The following MAGI1 variants were observed in gnomAD, a reference collection of about 807,000 sequenced individuals.
MAGI1 encodes the protein membrane-associated guanylate kinase, WW and PDZ domain-containing protein 1.
A neutral mutation model predicts 139.9 loss-of-function variants in MAGI1; 58 were observed. That is an observed-to-expected ratio of 0.41 (90% CI 0.34 to 0.52). The LOEUF (loss-of-function observed/expected upper bound fraction) is 0.52, where lower values mean the gene tolerates loss of function less well. Among genes scored for constraint, MAGI1 ranks in the 20% least tolerant of loss-of-function variants. MAGI1 has a pLI of 0.12. For missense variants in MAGI1, 1,874 were observed against 1,901.6 expected, an observed-to-expected ratio of 0.99 and a Z score of 0.27; for synonymous variants, 812 against 737.9, an observed-to-expected ratio of 1.10 and a Z score of -1.63.
At chr3:65,531,220 C>T (rs1178682174) in intron 2 of MAGI1, among the ~76,000 whole-genome samples, 1 of 151,930 alleles carries the variant, frequency 6.6e-6, no homozygotes, top group Non-Finnish European at 1.5e-5. Context: ...AGCTTTATAT[C>T]AATATACTAA....
chr3:65,640,541 C>T (rs1245380182), intron 1 of MAGI1, among the ~76,000 whole-genome samples: 2 of 152,118 alleles, frequency 1.3e-5, no homozygotes, highest in African/African-American at 2.4e-5. Context: ...AAGCTCCCTC[C>T]CAGCTAATCA....
intron 18 of MAGI1, among the ~76,000 whole-genome samples, chr3:65,373,367 A>AC (rs1369865248): frequency 6.6e-6 from 1 of 152,074 alleles, no homozygotes; most frequent in Non-Finnish European, 1.5e-5. Flanking sequence ...GGTTTGTGGC[A>AC]CCCCCAAACA....
intron 2 of MAGI1, among the ~76,000 whole-genome samples, chr3:65,582,117 A>T (rs1253915905): frequency 6.6e-6 from 1 of 152,168 alleles, no homozygotes; most frequent in Non-Finnish European, 1.5e-5. Flanking sequence ...ATTCCAAGTG[A>T]GTGTTTTAGA....
At chr3:65,833,939 T>C (rs1248989027) in intron 1 of MAGI1, among the ~76,000 whole-genome samples, 3 of 152,230 alleles carry the variant, frequency 2.0e-5, no homozygotes, top group Admixed American at 1.3e-4. Context: ...AAAATATCTT[T>C]AGATTACTAG....
chr3:66,031,805 C>A (rs2068612293), intron 1 of MAGI1, among the ~76,000 whole-genome samples: 1 of 150,606 alleles, frequency 6.6e-6, no homozygotes. Flanking sequence ...TACACAGGGA[C>A]AATGCTGCAA....
At chr3:65,846,976 C>CCAAAAAAAA (rs767647561) in intron 1 of MAGI1, among the ~76,000 whole-genome samples, 3 of 80,988 alleles carry the variant, frequency 3.7e-5, no homozygotes, top group African/African-American at 1.5e-4. Context: ...CAATGTCTTA[C>CCAAAAAAAA]AAAAAAAAAA....
chr3:65,501,583 A>G (rs2077085068), intron 2 of MAGI1, among the ~76,000 whole-genome samples: 1 of 152,302 alleles, frequency 6.6e-6, no homozygotes, highest in African/African-American at 2.4e-5. Context: ...TGGAGCAACT[A>G]GTACTCACAT....
At chr3:65,578,418 G>T (rs2081271385) in intron 2 of MAGI1, among the ~76,000 whole-genome samples, 1 of 152,162 alleles carries the variant, frequency 6.6e-6, no homozygotes, top group South Asian at 2.1e-4. Context: ...GTATAGAGAA[G>T]ATATCAGAAA....
chr3:65,787,647 TA>T (rs2039488160), intron 1 of MAGI1, among the ~76,000 whole-genome samples: 1 of 150,654 alleles, frequency 6.6e-6, no homozygotes, highest in South Asian at 2.1e-4. Context: ...GATGGACAAA[TA>T]AATGAGCAAT....
At chr3:65,439,464 C>G (rs957311973) in intron 9 of MAGI1, among the ~76,000 whole-genome samples, 1 of 152,094 alleles carries the variant, frequency 6.6e-6, no homozygotes, top group African/African-American at 2.4e-5. Flanking sequence ...CCCAAAACTA[C>G]CAGCTCTTTC....
Position 65,561,766 on chromosome 3 carries a change from C to T in MAGI1, c.430+60206G>A, listed in dbSNP as rs115142573. On this transcript the variant is annotated intron_variant, in intron 2 of 22. Coordinates refer to ENST00000402939, the MANE Select transcript of MAGI1 (RefSeq NM_001033057.2). ...TTAAATCAAGCCATTGCTTTTAAAA[C>T]TTTATTAGCAAGTGGAGACAGAGTC... Among the ~76,000 whole-genome samples, 388 of 152,222 alleles carry T rather than the reference C, an allele frequency of 2.5e-3. 1 individual carries two copies. Among genetic ancestry groups the T allele is most frequent in the African/African-American group, 9.0e-3 (373 of 41,536 alleles).
chr3:65,988,364 T>C (rs1269718682), intron 1 of MAGI1, among the ~76,000 whole-genome samples: 1 of 152,210 alleles, frequency 6.6e-6, no homozygotes, highest in Admixed American at 6.5e-5. Flanking sequence ...TGAAGGGGGT[T>C]ATGCAGACAA....
At chr3:65,386,704 C>T (rs1014126639) in intron 14 of MAGI1, among the ~76,000 whole-genome samples, 5 of 152,132 alleles carry the variant, frequency 3.3e-5, no homozygotes, top group African/African-American at 9.7e-5. Context: ...ATATTAATAT[C>T]ACTTTTTTTG....
In MAGI1 at chr3:65,355,198, G is replaced by A. The variant is rs1387050009; in HGVS notation, c.*1180C>T. 6.6e-6 allele frequency: 1 copy of A among 152,254 alleles called. No homozygotes were observed. Among genetic ancestry groups the A allele is most frequent in the African/African-American group, 2.4e-5 (1 of 41,420 alleles). 9.4% of individuals were successfully genotyped at this position (152,254 alleles called of 1,614,324 possible). On this transcript the variant is annotated 3_prime_UTR_variant, in exon 23 of 23. Coordinates refer to ENST00000402939, the MANE Select transcript of MAGI1 (RefSeq NM_001033057.2). ...TGTGCTGCTGTCCAAAGGACTCAAAGGACAGAGTCATGAGGCAGAAGTTTC... is the reference window on the plus strand; with the variant it reads ...TGTGCTGCTGTCCAAAGGACTCAAAAGACAGAGTCATGAGGCAGAAGTTTC...
At chr3:65,556,560 C>G (rs1249987394) in intron 2 of MAGI1, among the ~76,000 whole-genome samples, 4 of 152,176 alleles carry the variant, frequency 2.6e-5, no homozygotes, top group Non-Finnish European at 5.9e-5. Flanking sequence ...CTGGACAACC[C>G]TCTTCACTTT....
intron 1 of MAGI1, among the ~76,000 whole-genome samples, chr3:65,822,935 T>A (rs868029244): frequency 6.6e-6 from 1 of 152,172 alleles, no homozygotes; most frequent in Admixed American, 6.5e-5. Context: ...GACATGAGAT[T>A]TGGTGGGGAC....
intron 2 of MAGI1, among the ~76,000 whole-genome samples, chr3:65,508,827 A>G (rs547332750): frequency 6.6e-6 from 1 of 152,362 alleles, no homozygotes; most frequent in African/African-American, 2.4e-5. Flanking sequence ...GAGTGTCATT[A>G]TCACACAATG....
At chr3:65,924,237 A>C (rs980451855) in intron 1 of MAGI1, among the ~76,000 whole-genome samples, 4 of 152,206 alleles carry the variant, frequency 2.6e-5, no homozygotes, top group Non-Finnish European at 4.4e-5. Flanking sequence ...CACTGGACTA[A>C]AGTAGGATCA....
intron 1 of MAGI1, among the ~76,000 whole-genome samples, chr3:65,727,666 T>A (rs1016602282): frequency 2.0e-5 from 3 of 152,234 alleles, no homozygotes; most frequent in Non-Finnish European, 4.4e-5. Context: ...ATATTCCAGA[T>A]GCATTCACAC....
Sources: gnomAD v4.1 joint callset for allele counts (sites outside exome capture counted in the v4.1 genomes callset) on GRCh38, gnomAD v4.1.1 for gene constraint, MANE v1.5 for transcripts, NCBI Gene and HGNC (gene_info 2026-07-23, HGNC 2026-07-21) for gene names.